Variants in LIMA1 observed in about 807,000 individuals in gnomAD.
LIMA1 encodes LIM domain and actin binding 1, also known as LIM domain and actin-binding protein 1.
LIMA1 carries 52 observed loss-of-function variants against 62.6 expected under a neutral mutation model. The observed-to-expected ratio is 0.83, with a 90% CI of 0.67 to 1.05. The LOEUF (loss-of-function observed/expected upper bound fraction) is 1.05, where lower values mean the gene tolerates loss of function less well. Among genes scored for constraint, LIMA1 ranks in the 50% least tolerant of loss-of-function variants. The pLI, the probability that LIMA1 is intolerant of heterozygous loss-of-function variation, is 0.00. For synonymous variants in LIMA1, 302 were observed against 317.8 expected (o/e 0.95, Z 0.53); for missense variants, 780 against 902.2 (o/e 0.86, Z 1.74).
intron 4 of LIMA1, among the ~76,000 whole-genome samples, chr12:50,213,292 T>G (rs1194871417): frequency 1.3e-5 from 2 of 152,246 alleles, no homozygotes; most frequent in African/African-American, 2.4e-5. Flanking sequence ...TGTTTTCAAT[T>G]TTTGCCAGTT....
chr12:50,189,958 C>A (rs1242682931), intron 9 of LIMA1: 2 of 151,860 alleles, frequency 1.3e-5, no homozygotes, highest in Non-Finnish European at 2.9e-5. Flanking sequence ...GATCTGCCCG[C>A]CTTGGCCTCC....
At chr12:50,193,650 G>GTGTGTGTATA (rs1347784875) in intron 8 of LIMA1, among the ~76,000 whole-genome samples, 3 of 64,316 alleles carry the variant, frequency 4.7e-5, no homozygotes, top group African/African-American at 1.9e-4. Flanking sequence ...GTGTGTGTGT[G>GTGTGTGTATA]TATATATATA....
chr12:50,183,073 A>G (rs1940541686), intron 9 of LIMA1, among the ~76,000 whole-genome samples: 1 of 151,904 alleles, frequency 6.6e-6, no homozygotes. Flanking sequence ...GTAGTGGTAC[A>G]CTCGTGTAAT....
At chr12:50,212,769 C>G (rs1207350103) in intron 4 of LIMA1, among the ~76,000 whole-genome samples, 1 of 151,976 alleles carries the variant, frequency 6.6e-6, no homozygotes, top group African/African-American at 2.4e-5. Context: ...ATAAATCATA[C>G]CTTTTGATGT....
At chr12:50,246,935 G>C (rs1441707075) in intron 2 of LIMA1, among the ~76,000 whole-genome samples, 2 of 152,008 alleles carry the variant, frequency 1.3e-5, no homozygotes, top group Non-Finnish European at 2.9e-5. Flanking sequence ...TAATTTCCTG[G>C]ACTCTATCCA....
rs948484959 is a variant in LIMA1, at chr12:50,179,386, C to T, written c.1275-1317G>A. 4.0e-5 allele frequency among the ~76,000 whole-genome samples: 6 copies of T among 151,236 alleles called. No homozygotes were observed. The South Asian group carries it at 6.3e-4, about 16-fold the overall frequency. On this transcript the variant is annotated intron_variant, in intron 10 of 10. Coordinates refer to ENST00000341247, the MANE Select transcript of LIMA1 (RefSeq NM_016357.5). The stretch of plus-strand genomic sequence containing the variant: ...CGATCTCTTGACCTCGTGATCTGCC[C>T]GCCTCGGCCTCCCAAAGGGCTGGGA...
chr12:50,201,422 T>C (rs957220864), intron 6 of LIMA1: 2 of 982,994 alleles, frequency 2.0e-6, no homozygotes, highest in Non-Finnish European at 2.4e-6. Flanking sequence ...TCAAAAAGCA[T>C]GTTTTTCCAT....
intron 2 of LIMA1, among the ~76,000 whole-genome samples, chr12:50,243,901 T>C (rs35744597): frequency 6.6e-6 from 1 of 151,948 alleles, no homozygotes; most frequent in South Asian, 2.1e-4. Flanking sequence ...TTCAAAATAG[T>C]ATATATTTTA....
Position 50,251,958 on chromosome 12 carries a change from C to T in LIMA1, c.-23-3184G>A, listed in dbSNP as rs1941936732. Among the ~76,000 whole-genome samples the T allele has an allele frequency of 2.6e-5, 4 of 152,302 alleles. No individual in the cohort carries two copies. In the South Asian group the frequency reaches 8.3e-4, roughly 32 times the overall value. On this transcript the variant is annotated intron_variant, in intron 1 of 10. Transcript: ENST00000341247. ...GAATCAATACATGATTTTTGATAGACTCTGGTACCAGGCTATTGAATAACT... is the reference window on the plus strand; with the variant it reads ...GAATCAATACATGATTTTTGATAGATTCTGGTACCAGGCTATTGAATAACT...
At chr12:50,268,211 C>T (rs1942162877) in intron 1 of LIMA1, among the ~76,000 whole-genome samples, 1 of 152,126 alleles carries the variant, frequency 6.6e-6, no homozygotes, top group African/African-American at 2.4e-5. Context: ...ACACCCACCC[C>T]TGACTGCTCA....
At chr12:50,200,337 G>A (rs1353074613) in intron 7 of LIMA1, among the ~76,000 whole-genome samples, 2 of 152,088 alleles carry the variant, frequency 1.3e-5, no homozygotes, top group Non-Finnish European at 2.9e-5. Flanking sequence ...CCGAGCAGCT[G>A]GGATTACAGG....
intron 1 of LIMA1, among the ~76,000 whole-genome samples, chr12:50,267,581 G>A (rs541782882): frequency 6.6e-6 from 1 of 151,396 alleles, no homozygotes; most frequent in Non-Finnish European, 1.5e-5. Context: ...GTGCAGTGGT[G>A]CAATTTTGGC....
chr12:50,238,069 T>A (rs1351617892), intron 2 of LIMA1, among the ~76,000 whole-genome samples: 1 of 152,182 alleles, frequency 6.6e-6, no homozygotes. Context: ...CTTATTCTTG[T>A]TTTTCTTATT....
intron 2 of LIMA1, 50 bp downstream of exon 2, chr12:50,248,583 C>T (rs1164419610): frequency 2.7e-6 from 3 of 1,105,508 alleles, no homozygotes; most frequent in Non-Finnish European, 4.1e-6. Flanking sequence ...TGACAGGTGG[C>T]AATGTGTGCT....
intron 3 of LIMA1, among the ~76,000 whole-genome samples, chr12:50,230,487 A>AG (rs1210834684): frequency 3.9e-5 from 6 of 152,214 alleles, no homozygotes; most frequent in African/African-American, 1.2e-4. Flanking sequence ...GAAAGGAGCA[A>AG]GTTGGGGGAA....
chr12:50,243,697 T>G (rs1234297803), intron 2 of LIMA1, among the ~76,000 whole-genome samples: 1 of 152,200 alleles, frequency 6.6e-6, no homozygotes, highest in Non-Finnish European at 1.5e-5. Flanking sequence ...CTGGAATGTC[T>G]TCAGCATTCT....
At chr12:50,273,089 T>A (rs2138702397) in intron 1 of LIMA1, among the ~76,000 whole-genome samples, 1 of 151,826 alleles carries the variant, frequency 6.6e-6, no homozygotes, top group South Asian at 2.1e-4. Context: ...CATTTTTTTT[T>A]AAGAGGGAGC....
chr12:50,218,895 TAA>T (rs1409254811), intron 4 of LIMA1, among the ~76,000 whole-genome samples: 2 of 73,990 alleles, frequency 2.7e-5, no homozygotes, highest in Admixed American at 2.7e-4. Context: ...CCTATCTCCA[TAA>T]AAAAAAAAAA....
intron 4 of LIMA1, among the ~76,000 whole-genome samples, chr12:50,214,201 C>T (rs750575605): frequency 3.3e-5 from 5 of 152,124 alleles, no homozygotes; most frequent in Non-Finnish European, 7.3e-5. Context: ...AAGCTACAAA[C>T]TATAGGTGAA....
Sources: gnomAD v4.1 joint callset for allele counts (sites outside exome capture counted in the v4.1 genomes callset) on GRCh38, gnomAD v4.1.1 for gene constraint, MANE v1.5 for transcripts, NCBI Gene and HGNC (gene_info 2026-07-23, HGNC 2026-07-21) for gene names.